CCDC60: variants seen among roughly 807,000 people sequenced by gnomAD.
The protein encoded by CCDC60 is coiled-coil domain-containing protein 60.
A neutral mutation model predicts 63.5 loss-of-function variants in CCDC60; 54 were observed. The ratio of observed to expected loss-of-function variants is 0.85; its 90% CI spans 0.68 to 1.07. CCDC60 has a LOEUF of 1.07. Ranked by LOEUF, CCDC60 falls within the 50% of genes least tolerant of loss-of-function variation. The probability of loss-of-function intolerance (pLI) is 0.00; values close to 1 mark genes in which losing one functional copy is unlikely to be tolerated. For missense variants in CCDC60, 651 were observed against 684.3 expected, an observed-to-expected ratio of 0.95 and a Z score of 0.54; for synonymous variants, 206 against 238.8, an observed-to-expected ratio of 0.86 and a Z score of 1.27.
intron 2 of CCDC60, among the ~76,000 whole-genome samples, chr12:119,444,441 T>G (rs1300669116): frequency 6.6e-6 from 1 of 152,230 alleles, no homozygotes; most frequent in Non-Finnish European, 1.5e-5. Flanking sequence ...ATTTCTTTTG[T>G]AACATGAACT....
At chr12:119,369,245 C>T (rs184286807) in intron 1 of CCDC60, among the ~76,000 whole-genome samples, 3 of 152,120 alleles carry the variant, frequency 2.0e-5, no homozygotes, top group Admixed American at 2.0e-4. Flanking sequence ...GAGAGAAAGA[C>T]GCTCGCAATG....
At chr12:119,523,635 G>A (rs1952592877) in intron 10 of CCDC60, 58 bp from the exon 11 acceptor site, 8 of 1,604,882 alleles carry the variant, frequency 5.0e-6, no homozygotes, top group Non-Finnish European at 6.8e-6. Context: ...TGGGACCCAG[G>A]TTACTAGGGG....
At position 119,423,184 on chromosome 12, in the gene CCDC60, T is replaced by TG. The variant is rs533637514; in HGVS notation, c.91-5492dup. 6.6e-4 allele frequency among the ~76,000 whole-genome samples: 101 copies of TG among 152,054 alleles called. 1 individual carries two copies. The highest frequency in any genetic ancestry group is 2.4e-3 in the Admixed American group (36 of 15,274). ...TAGAATCGTGATTTATGACAATTTTTGGGGGGGCGAGGCGCATGACCACAA... is the reference window on the plus strand; with the variant it reads ...TAGAATCGTGATTTATGACAATTTTTGGGGGGGGCGAGGCGCATGACCACAA... On this transcript the variant is annotated intron_variant, in intron 1 of 13. Transcript: ENST00000327554.
chr12:119,428,959 A>G (rs1363649511), intron 2 of CCDC60, 197 bp downstream of exon 2: 2 of 413,240 alleles, frequency 4.8e-6, no homozygotes, highest in Non-Finnish European at 4.1e-6. Flanking sequence ...GGGAGTACCC[A>G]TGCCATGCCA....
intron 1 of CCDC60, among the ~76,000 whole-genome samples, chr12:119,424,971 G>T (rs1291342799): frequency 6.6e-6 from 1 of 151,956 alleles, no homozygotes; most frequent in Non-Finnish European, 1.5e-5. Context: ...CTTACACAAT[G>T]ATGTGAATTC....
At chr12:119,382,072 C>A (rs1207253100) in intron 1 of CCDC60, among the ~76,000 whole-genome samples, 1 of 152,140 alleles carries the variant, frequency 6.6e-6, no homozygotes, top group Admixed American at 6.6e-5. Flanking sequence ...CAGGGAGAAA[C>A]CCTACTTGAC....
intron 2 of CCDC60, among the ~76,000 whole-genome samples, chr12:119,449,594 G>T (rs1194629188): frequency 6.6e-6 from 1 of 152,168 alleles, no homozygotes; most frequent in Non-Finnish European, 1.5e-5. Context: ...ATTTCAAATG[G>T]TTTAGTTACT....
intron 2 of CCDC60, among the ~76,000 whole-genome samples, chr12:119,431,588 C>CTA (rs1241847138): frequency 2.6e-5 from 4 of 152,204 alleles, no homozygotes; most frequent in Admixed American, 2.6e-4. Flanking sequence ...CCTACAAAGA[C>CTA]AATCTAGTCC....
chr12:119,475,572 C>T (rs544219148), intron 3 of CCDC60, among the ~76,000 whole-genome samples: 20 of 152,222 alleles, frequency 1.3e-4, no homozygotes, highest in African/African-American at 4.6e-4. Context: ...CCATCAAATG[C>T]GCGGGTGGGA....
intron 1 of CCDC60, among the ~76,000 whole-genome samples, chr12:119,351,539 C>A (rs1006926747): frequency 6.6e-6 from 1 of 152,142 alleles, no homozygotes; most frequent in Non-Finnish European, 1.5e-5. Context: ...GGAGTGAGAG[C>A]CTTACATGGC....
intron 2 of CCDC60, among the ~76,000 whole-genome samples, chr12:119,445,186 C>T (rs1050912149): frequency 6.6e-6 from 1 of 151,930 alleles, no homozygotes; most frequent in Non-Finnish European, 1.5e-5. Context: ...TTAATCCCAG[C>T]AATTTGGGAG....
At chr12:119,499,104 A>C (rs775779550) in intron 5 of CCDC60, among the ~76,000 whole-genome samples, 2 of 152,194 alleles carry the variant, frequency 1.3e-5, no homozygotes, top group Admixed American at 6.5e-5. Flanking sequence ...TAGCCCCCTC[A>C]GAGGGATTAT....
chr12:119,509,088 A>G (rs1278350846), intron 7 of CCDC60, among the ~76,000 whole-genome samples: 1 of 152,076 alleles, frequency 6.6e-6, no homozygotes, highest in East Asian at 1.9e-4. Flanking sequence ...CTCACATCCA[A>G]TCACTCACCT....
At chr12:119,430,799 C>T (rs1950216067) in intron 2 of CCDC60, among the ~76,000 whole-genome samples, 1 of 152,140 alleles carries the variant, frequency 6.6e-6, no homozygotes, top group Non-Finnish European at 1.5e-5. Flanking sequence ...GCCTCTAGAA[C>T]TGTGAGAAAA....
chr12:119,386,644 G>A (rs1290144900), intron 1 of CCDC60, among the ~76,000 whole-genome samples: 4 of 152,176 alleles, frequency 2.6e-5, no homozygotes, highest in Non-Finnish European at 5.9e-5. Context: ...TCCAGCCTTG[G>A]AAAATGTGTA....
chr12:119,500,096 G>C lies in CCDC60; in HGVS notation c.576G>C (p.Lys192Asn). 1 of 1,612,400 alleles carries C rather than the reference G, an allele frequency of 6.2e-7. No individual in the cohort carries two copies. The highest frequency in any genetic ancestry group is 1.1e-5 in the South Asian group (1 of 90,776). The part of the protein sequence containing the change: ...CWNPKDPGGS[K>N]STIKKINKDK... ...CACTCAGGGACCCGGGTGGAAGCAAGAGCACCATTAAAAAAATCAATAAGG... is the reference window on the plus strand; with the variant it reads ...CACTCAGGGACCCGGGTGGAAGCAACAGCACCATTAAAAAAATCAATAAGG... The change falls in exon 6 of 14, where the codon AAG (lysine) becomes AAC (asparagine). Residue 192 changes from lysine (K) to asparagine (N), a missense_variant. Lys to Asn is a moderately conservative substitution (Grantham distance 94, BLOSUM62 0). Coordinates refer to ENST00000327554, the MANE Select transcript of CCDC60 (RefSeq NM_178499.5).
intron 1 of CCDC60, among the ~76,000 whole-genome samples, chr12:119,417,716 C>T (rs183430774): frequency 2.0e-5 from 3 of 152,264 alleles, no homozygotes; most frequent in Admixed American, 2.0e-4. Flanking sequence ...CAACACTTAG[C>T]CAAAACAAAC....
intron 1 of CCDC60, among the ~76,000 whole-genome samples, chr12:119,393,159 G>C (rs571737482): frequency 8.5e-5 from 13 of 152,206 alleles, no homozygotes; most frequent in Non-Finnish European, 1.3e-4. Flanking sequence ...GCAAGATCCT[G>C]TCACAAAAAA....
In CCDC60 at chr12:119,456,997, C is replaced by G. The variant is rs1485099426; in HGVS notation, c.171-14997C>G. ...GGTCTCAGCATCATTTTACCTAGCC[C>G]CATTCAAGATGGAGTTGCTCTGGTT... On this transcript the variant is annotated intron_variant, in intron 2 of 13. Transcript: ENST00000327554. The surrounding 1 kb of genome is among the most constrained non-coding windows in gnomAD (Gnocchi z 4.6). Among the ~76,000 whole-genome samples, 4 of 152,184 alleles carry G rather than the reference C, an allele frequency of 2.6e-5. No homozygotes were observed. In the East Asian group the frequency reaches 7.7e-4, roughly 29 times the overall value.
Sources: gnomAD v4.1 joint callset for allele counts (sites outside exome capture counted in the v4.1 genomes callset) on GRCh38, gnomAD v4.1.1 for gene constraint, Gnocchi (gnomAD v3.1) non-coding constraint, MANE v1.5 for transcripts, NCBI Gene and HGNC (gene_info 2026-07-23, HGNC 2026-07-21) for gene names.